RCBTB1: variants seen among roughly 807,000 people sequenced by gnomAD.
RCBTB1 encodes the protein RCC1 and BTB domain containing protein 1, also known as RCC1 and BTB domain-containing protein 1.
Under a neutral mutation model 62.4 loss-of-function variants are expected in RCBTB1, and 46 were observed. That is an observed-to-expected ratio of 0.74 (90% CI 0.58 to 0.94). RCBTB1 has a LOEUF of 0.94. RCBTB1 is among the 40% of genes least tolerant of loss of function. RCBTB1 has a pLI of 0.00. For synonymous variants in RCBTB1, 222 were observed against 245.8 expected (o/e 0.90, Z 0.91); for missense variants, 565 against 654.9 (o/e 0.86, Z 1.50).
In RCBTB1 at chr13:49,541,742, C is replaced by T. The variant is rs779505354; in HGVS notation, c.1258G>A (p.Val420Met). ...AGGTACTGGAGAAAGGCACGATACA[C>T]TGGGTAAGAAAACTGATCGATTTCT... ...VIEIDQFSYP[V>M]YRAFLQYLYT... The change falls in exon 11 of 13, where the codon GTG becomes ATG. Residue 420 changes from valine to methionine, a missense_variant. Transcript: ENST00000378302. 1.9e-6 allele frequency: 3 copies of T among 1,614,118 alleles called. No homozygotes were observed. Among genetic ancestry groups the T allele is most frequent in the Non-Finnish European group, 2.5e-6 (3 of 1,180,018 alleles).
chr13:49,540,817 G>C lies in RCBTB1; in HGVS notation c.1455+59C>G. 3 of 1,565,818 alleles carry C rather than the reference G, an allele frequency of 1.9e-6. No individual in the cohort carries two copies. The South Asian group carries it at 3.5e-5, about 19-fold the overall frequency. The stretch of plus-strand genomic sequence containing the variant: ...TTTCCATGCCTCACGCAAGAAGCGG[G>C]GGAGACGAGCACAAAGGGAGTTAAA... On this transcript the variant is annotated intron_variant, in intron 12 of 12. Coordinates refer to ENST00000378302, the MANE Select transcript of RCBTB1 (RefSeq NM_018191.4).
intron 12 of RCBTB1, among the ~76,000 whole-genome samples, chr13:49,536,846 A>C (rs969023043): frequency 7.2e-5 from 11 of 152,268 alleles, no homozygotes; most frequent in Non-Finnish European, 1.0e-4. Flanking sequence ...TTAGCAAAGA[A>C]GACAAAAATA....
chr13:49,576,216 ATTT>A (rs989021543), intron 2 of RCBTB1, among the ~76,000 whole-genome samples: 1 of 133,620 alleles, frequency 7.5e-6, no homozygotes, highest in Non-Finnish European at 1.6e-5. Flanking sequence ...AGTTGAGATG[ATTT>A]TTTTTAAGTA....
rs368866477 is a variant in RCBTB1 at position 49,541,761 on chromosome 13, G to A, written c.1239C>T (p.Ile413=). The change falls in exon 11 of 13, where the codon ATC becomes ATT. Residue 413 remains isoleucine, a synonymous_variant. Transcript: ENST00000378302. ...WNEDMKEVIE[I]DQFSYPVYRA... Reference sequence around the variant, plus strand: ...GATACACTGGGTAAGAAAACTGATCGATTTCTATCACTTCCTTCATGTCTT... The same window carrying A: ...GATACACTGGGTAAGAAAACTGATCAATTTCTATCACTTCCTTCATGTCTT... 53 of 1,614,008 alleles carry A rather than the reference G, an allele frequency of 3.3e-5. No individual in the cohort carries two copies. The highest frequency in any genetic ancestry group is 4.2e-5 in the Non-Finnish European group (49 of 1,179,988).
At chr13:49,551,821 A>C (rs1354016277) in intron 7 of RCBTB1, among the ~76,000 whole-genome samples, 1 of 150,964 alleles carries the variant, frequency 6.6e-6, no homozygotes, top group Non-Finnish European at 1.5e-5. Flanking sequence ...AATGGCGTGA[A>C]CTCGGGAGGC....
At chr13:49,540,809 AGAAGCGGGGGAG>A in intron 12 of RCBTB1, 55 bp downstream of exon 12, 1 of 1,540,946 alleles carries the variant, frequency 6.5e-7, no homozygotes, top group Non-Finnish European at 8.8e-7. Context: ...GCCTCACGCA[AGAAGCGGGGGAG>A]ACGAGCACAA....
chr13:49,578,082 T>C (rs1963892352), intron 2 of RCBTB1, among the ~76,000 whole-genome samples: 1 of 152,136 alleles, frequency 6.6e-6, no homozygotes, highest in Non-Finnish European at 1.5e-5. Flanking sequence ...GTGAACAAAA[T>C]CCAGTTGTCC....
chr13:49,555,791 C>T (rs1594292370), intron 5 of RCBTB1, 118 bp from the exon 6 acceptor site: 7 of 755,464 alleles, frequency 9.3e-6, no homozygotes, highest in South Asian at 7.7e-5. Flanking sequence ...ATGTGCTAAA[C>T]GGTTCTATAT....
chr13:49,567,344 GA>G, intron 2 of RCBTB1, 24 bp from the exon 3 acceptor site: 1 of 1,549,136 alleles, frequency 6.5e-7, no homozygotes, highest in Non-Finnish European at 8.8e-7. Flanking sequence ...AAGGATTCCA[GA>G]AAAAAATTAA....
chr13:49,553,052 C>G (rs564973113), intron 6 of RCBTB1, among the ~76,000 whole-genome samples: 8 of 152,092 alleles, frequency 5.3e-5, no homozygotes, highest in Admixed American at 1.3e-4. Flanking sequence ...CGTGGTGGCG[C>G]GTGCCTGTAA....
At chr13:49,544,110 G>A (rs1217786790) in intron 10 of RCBTB1, among the ~76,000 whole-genome samples, 4 of 152,088 alleles carry the variant, frequency 2.6e-5, no homozygotes, top group Non-Finnish European at 1.5e-5. Context: ...ACAACCTTTT[G>A]TATTTTCTTT....
At position 49,580,579 on chromosome 13, in the gene RCBTB1, T is replaced by G. The variant is rs1205909181; in HGVS notation, c.-116A>C. 6.6e-6 allele frequency: 1 copy of G among 152,062 alleles called. No individual in the cohort carries two copies. The highest frequency in any genetic ancestry group is 1.5e-5 in the Non-Finnish European group (1 of 68,022). 9.4% of individuals were successfully genotyped at this position (152,062 alleles called of 1,614,324 possible). A position where few individuals can be genotyped will look rare whatever the true frequency, so the allele number is the denominator to read the frequency against. Reference sequence around the variant, plus strand: ...TTCCAGTCTGGGCAAGAGAGCAAGATCCTGTCTGAAAAAGAAAAAAGAAAT... The same window carrying G: ...TTCCAGTCTGGGCAAGAGAGCAAGAGCCTGTCTGAAAAAGAAAAAAGAAAT... On this transcript the variant is annotated 5_prime_UTR_variant, in exon 2 of 13. Coordinates refer to ENST00000378302, the MANE Select transcript of RCBTB1 (RefSeq NM_018191.4).
intron 2 of RCBTB1, among the ~76,000 whole-genome samples, chr13:49,569,831 C>T (rs1963282656): frequency 6.6e-6 from 1 of 152,042 alleles, no homozygotes; most frequent in Non-Finnish European, 1.5e-5. Context: ...TGCTTGAACC[C>T]AGGAAGTCAA....
chr13:49,551,400 G>A lies in RCBTB1; in HGVS notation c.780C>T (p.Asn260=), dbSNP rs146165279. Residue 260 remains asparagine (N), a synonymous_variant, in exon 8 of 13, where the codon AAC becomes AAT. Transcript: ENST00000378302. ...TGCCAGTTCCCAGCTGCCCATATGTGTTAGCTCCCCAGGCATACAGCAAGC... is the reference window on the plus strand; with the variant it reads ...TGCCAGTTCCCAGCTGCCCATATGTATTAGCTCCCCAGGCATACAGCAAGC... ...DEGLLYAWGA[N]TYGQLGTGNK... 4.4e-5 allele frequency: 71 copies of A among 1,614,096 alleles called. No homozygotes were observed. The African/African-American group carries it at 8.7e-4, about 20-fold the overall frequency.
At chr13:49,579,572 C>T (rs1017394598) in intron 2 of RCBTB1, among the ~76,000 whole-genome samples, 2 of 151,358 alleles carry the variant, frequency 1.3e-5, no homozygotes, top group Middle Eastern at 6.8e-3. Context: ...TGCAGTGAAC[C>T]GAGATGGTGC....
At position 49,540,895 on chromosome 13, in the gene RCBTB1, G is replaced by A; in HGVS notation, c.1436C>T (p.Ala479Val). 1 of 1,613,864 alleles carries A rather than the reference G, an allele frequency of 6.2e-7. No individual in the cohort carries two copies. The highest frequency in any genetic ancestry group is 8.5e-7 in the Non-Finnish European group (1 of 1,179,958). ...AGTTACCTCTGCATCATATCTGACT[G>A]CAGCAGAGAATAGCGAAAAGGCATT... is the stretch of plus-strand genomic sequence containing the variant. ...VENAFSLFSAAVRYDAEDLEE... is the reference protein window; with the variant it reads ...VENAFSLFSAVVRYDAEDLEE... The change falls in exon 12 of 13, where the codon GCA becomes GTA. Residue 479 changes from alanine to valine, a missense_variant. By Grantham distance (64) the Ala-to-Val change is moderately conservative. Coordinates refer to ENST00000378302, the MANE Select transcript of RCBTB1 (RefSeq NM_018191.4).
intron 2 of RCBTB1, among the ~76,000 whole-genome samples, chr13:49,573,934 C>A (rs899770276): frequency 6.7e-6 from 1 of 149,232 alleles, no homozygotes; most frequent in Non-Finnish European, 1.5e-5. Context: ...CAGGTGTACA[C>A]CACCATGCCT....
chr13:49,532,463 CA>C lies in RCBTB1; in HGVS notation c.*1658del, dbSNP rs1959632091. 1 of 152,562 alleles carries C rather than the reference CA, an allele frequency of 6.6e-6. No individual in the cohort carries two copies. Among genetic ancestry groups the C allele is most frequent in the African/African-American group, 2.4e-5 (1 of 41,432 alleles). The allele number at this position is 152,562 out of a possible 1,614,324, so 9.5% of individuals were successfully genotyped here. A position where few individuals can be genotyped will look rare whatever the true frequency, so the allele number is the denominator to read the frequency against. On this transcript the variant is annotated 3_prime_UTR_variant, in exon 13 of 13. Coordinates refer to ENST00000378302, the MANE Select transcript of RCBTB1 (RefSeq NM_018191.4). ...TAAGCCTATAGAACAGTGATTGTTA[CA>C]AACACCACCCATCATAGCACAAATC...
At chr13:49,572,503 T>C (rs1422435893) in intron 2 of RCBTB1, among the ~76,000 whole-genome samples, 1 of 152,116 alleles carries the variant, frequency 6.6e-6, no homozygotes, top group Non-Finnish European at 1.5e-5. Context: ...CTAAATTTCA[T>C]TTAAATAATC....
Sources: gnomAD v4.1 joint callset for allele counts (sites outside exome capture counted in the v4.1 genomes callset) on GRCh38, gnomAD v4.1.1 for gene constraint, MANE v1.5 for transcripts, NCBI Gene and HGNC (gene_info 2026-07-23, HGNC 2026-07-21) for gene names.